Variants in ARHGAP6 observed in about 807,000 individuals in gnomAD.
ARHGAP6 encodes the protein Rho GTPase activating protein 6.
A neutral mutation model predicts 55.7 loss-of-function variants in ARHGAP6; 16 were observed. The ratio of observed to expected loss-of-function variants is 0.29; its 90% confidence interval spans 0.19 to 0.44. ARHGAP6 has a LOEUF of 0.44. ARHGAP6 is among the 20% of genes least tolerant of loss of function. ARHGAP6 has a pLI of 1.00. For missense variants in ARHGAP6, 698 were observed against 808.9 expected (o/e 0.86, Z 1.66); for synonymous variants, 382 against 360.9 (o/e 1.06, Z -0.66).
At chrX:11,372,771 C>CAAAAAAAAA (rs1171647934) in intron 1 of ARHGAP6, among the ~76,000 whole-genome samples, 15 of 14,348 alleles carry the variant, frequency 1.0e-3, no homozygotes, top group Admixed American at 2.0e-3. Flanking sequence ...GACTCCATCT[C>CAAAAAAAAA]AAAAAAAAAA....
chrX:11,472,873 A>G (rs1203919040), intron 1 of ARHGAP6, among the ~76,000 whole-genome samples: 1 of 110,556 alleles, frequency 9.0e-6, no homozygotes, highest in African/African-American at 3.3e-5. Flanking sequence ...CCCATTGTCT[A>G]TATTCTGCTG....
At chrX:11,572,065 A>G (rs2051525865) in intron 1 of ARHGAP6, among the ~76,000 whole-genome samples, 1 of 111,722 alleles carries the variant, frequency 9.0e-6, no homozygotes, top group Admixed American at 9.5e-5. Flanking sequence ...CCAAAAAGCA[A>G]TGTTAACACC....
intron 1 of ARHGAP6, among the ~76,000 whole-genome samples, chrX:11,460,110 A>G (rs2050230051): frequency 1.8e-5 from 2 of 110,855 alleles, no homozygotes; most frequent in African/African-American, 6.6e-5. Context: ...GGCAAAGGTG[A>G]TGGGATGTTG....
chrX:11,643,193 C>T (rs2052493156), intron 1 of ARHGAP6, among the ~76,000 whole-genome samples: 1 of 111,728 alleles, frequency 9.0e-6, no homozygotes, highest in Non-Finnish European at 1.9e-5. Context: ...CCTTGTCTTC[C>T]CTTCTACAGT....
intron 1 of ARHGAP6, among the ~76,000 whole-genome samples, chrX:11,332,862 C>T (rs894513889): frequency 2.7e-5 from 3 of 111,963 alleles, no homozygotes; most frequent in Non-Finnish European, 5.6e-5. Flanking sequence ...TGTGTGACAA[C>T]CACAATAGTC....
chrX:11,379,370 C>T (rs1278166645), intron 1 of ARHGAP6, among the ~76,000 whole-genome samples: 2 of 112,125 alleles, frequency 1.8e-5, no homozygotes, highest in Non-Finnish European at 3.8e-5. Flanking sequence ...GAGTGGAACA[C>T]TGGGTCCATC....
chrX:11,507,702 A>G (rs1603235968), intron 1 of ARHGAP6, among the ~76,000 whole-genome samples: 1 of 111,678 alleles, frequency 9.0e-6, no homozygotes, highest in East Asian at 2.8e-4. Context: ...CCACAGAGGC[A>G]ATTGTGCCCC....
At chrX:11,344,013 A>C (rs1250030482) in intron 1 of ARHGAP6, among the ~76,000 whole-genome samples, 1 of 112,117 alleles carries the variant, frequency 8.9e-6, no homozygotes, top group Non-Finnish European at 1.9e-5. Flanking sequence ...AACCTAATTA[A>C]AATATATTTT....
At chrX:11,473,459 A>G (rs2050369848) in intron 1 of ARHGAP6, among the ~76,000 whole-genome samples, 1 of 111,776 alleles carries the variant, frequency 8.9e-6, no homozygotes. Context: ...TAAATTTGTA[A>G]GGGTGTCCTT....
At chrX:11,424,691 AATGTAAATCTG>A (rs1270313371) in intron 1 of ARHGAP6, among the ~76,000 whole-genome samples, 3 of 112,042 alleles carry the variant, frequency 2.7e-5, no homozygotes, top group African/African-American at 9.7e-5. Flanking sequence ...ATCATTTCAA[AATGTAAATCTG>A]ATTCAGTCAC....
chrX:11,271,630 G>A, intron 1 of ARHGAP6, among the ~76,000 whole-genome samples: 1 of 111,236 alleles, frequency 9.0e-6, no homozygotes, highest in Non-Finnish European at 1.9e-5. Context: ...TGTGAGCTGT[G>A]GACAATGAGC....
At chrX:11,160,838 C>G (rs2045933475) in intron 9 of ARHGAP6, among the ~76,000 whole-genome samples, 1 of 111,199 alleles carries the variant, frequency 9.0e-6, no homozygotes. Flanking sequence ...TTTAAAAGGC[C>G]CATGGTACCA....
intron 9 of ARHGAP6, among the ~76,000 whole-genome samples, chrX:11,158,970 G>T (rs974152438): frequency 8.9e-6 from 1 of 112,557 alleles, no homozygotes; most frequent in African/African-American, 3.2e-5. Context: ...AATGAGAAAT[G>T]CTTGGGAAGA....
At chrX:11,331,968 AC>A (rs2048567860) in intron 1 of ARHGAP6, among the ~76,000 whole-genome samples, 1 of 112,209 alleles carries the variant, frequency 8.9e-6, no homozygotes, top group South Asian at 3.7e-4. Flanking sequence ...TAAACAACTA[AC>A]AAAATGGGGC....
At chrX:11,458,644 A>G (rs993681341) in intron 1 of ARHGAP6, among the ~76,000 whole-genome samples, 2 of 111,867 alleles carry the variant, frequency 1.8e-5, no homozygotes, top group Non-Finnish European at 3.8e-5. Flanking sequence ...TTTAAGAGTT[A>G]TATGTGATAA....
At chrX:11,577,957 G>A (rs2051621425) in intron 1 of ARHGAP6, among the ~76,000 whole-genome samples, 1 of 111,456 alleles carries the variant, frequency 9.0e-6, no homozygotes, top group East Asian at 2.8e-4. Context: ...TCGTCTTGAG[G>A]GACCACTTCT....
intron 1 of ARHGAP6, among the ~76,000 whole-genome samples, chrX:11,314,782 C>A (rs187964956): frequency 6.3e-5 from 7 of 111,323 alleles, no homozygotes; most frequent in Admixed American, 4.8e-4. Flanking sequence ...CTGGGGACCT[C>A]TCAGAAGGTA....
At chrX:11,333,296 T>G (rs2048584801) in intron 1 of ARHGAP6, among the ~76,000 whole-genome samples, 1 of 111,769 alleles carries the variant, frequency 8.9e-6, no homozygotes, top group African/African-American at 3.3e-5. Context: ...TACCCTCATG[T>G]TGTTCTCGTG....
chrX:11,491,721 G>T (rs376509021), intron 1 of ARHGAP6, among the ~76,000 whole-genome samples: 1 of 111,189 alleles, frequency 9.0e-6, no homozygotes, highest in South Asian at 3.8e-4. Flanking sequence ...TCCTTTGGGT[G>T]TATACCCAGT....
Sources: gnomAD v4.1 joint callset for allele counts (sites outside exome capture counted in the v4.1 genomes callset) on GRCh38, gnomAD v4.1.1 for gene constraint, MANE v1.5 for transcripts, NCBI Gene and HGNC (gene_info 2026-07-23, HGNC 2026-07-21) for gene names.